The following NR0B1 variants were observed in gnomAD, a reference collection of about 807,000 sequenced individuals.
NR0B1 encodes the protein DSS-AHC critical region on the X chromosome protein 1.
NR0B1 carries 3 observed loss-of-function variants against 23.0 expected under a neutral mutation model. The observed-to-expected ratio is 0.13, with a 90% confidence interval of 0.06 to 0.34. NR0B1 has a LOEUF of 0.34. Ranked by LOEUF, NR0B1 falls within the 10% of genes least tolerant of loss-of-function variation. The pLI is 1.00. For missense variants in NR0B1, 350 were observed against 402.9 expected (o/e 0.87, Z 1.12); for synonymous variants, 205 against 184.0 (o/e 1.11, Z -0.92).
rs768800700 is a variant in NR0B1 at position 30,309,114 on chromosome X, G to C, written c.250C>G (p.Leu84Val). 8.3e-7 allele frequency: 1 copy of C among 1,198,056 alleles called. No homozygotes were observed. The highest frequency in any genetic ancestry group is 1.1e-6 in the Non-Finnish European group (1 of 890,916). ...GCGTACGTTTGCTTTGCGCTCGTCA[G>C]CATGCTGTAGAGGATGCTGCCCTGC... ...PRQGSILYSM[L>V]TSAKQTYAAP... Residue 84 changes from leucine to valine, a missense_variant, in exon 1 of 2, where the codon CTG becomes GTG. This residue lies in a region of NR0B1 where 298 missense variants were observed against 314.0 expected (regional missense o/e 0.95). Coordinates refer to ENST00000378970, the MANE Select transcript of NR0B1 (RefSeq NM_000475.5).
intron 1 of NR0B1, 49 bp downstream of exon 1, chrX:30,308,140 CTGCCCGA>C: frequency 9.8e-7 from 1 of 1,024,539 alleles, no homozygotes; most frequent in Non-Finnish European, 1.4e-6. Context: ...TAGATAGGCA[CTGCCCGA>C]TGCTTTTGTG....
intron 1 of NR0B1, among the ~76,000 whole-genome samples, chrX:30,307,656 G>T (rs1420181304): frequency 9.0e-6 from 1 of 111,286 alleles, no homozygotes; most frequent in East Asian, 2.8e-4. Context: ...CCATTCAGAG[G>T]CAGGCCCATG....
chrX:30,304,454 A>C lies in NR0B1; in HGVS notation c.*125T>G. 2.6e-6 allele frequency: 2 copies of C among 782,998 alleles called. No homozygotes were observed. The highest frequency in any genetic ancestry group is 3.7e-6 in the Non-Finnish European group (2 of 540,030). 64.5% of individuals were successfully genotyped at this position (782,998 alleles called of 1,213,427 possible). ...AAATTATTTCTTTAATTGAATACAA[A>C]AATACTCTGCATGTAAAAATATTAA... On this transcript the variant is annotated 3_prime_UTR_variant, in exon 2 of 2. Transcript: ENST00000378970.
intron 1 of NR0B1, 78 bp downstream of exon 1, chrX:30,308,118 T>G: frequency 1.3e-6 from 1 of 799,849 alleles, no homozygotes. Context: ...AACTCGTTAC[T>G]GCCCGCGCCC....
rs764365162 is a variant in NR0B1 at position 30,309,010 on chromosome X, C to T, written c.354G>A (p.Ala118=). The T allele has an allele frequency of 5.0e-6, 6 of 1,209,483 alleles. No individual in the cohort carries two copies. The Admixed American group carries it at 1.3e-4, about 27-fold the overall frequency. Residue 118 remains alanine (A), a synonymous_variant, in exon 1 of 2, where the codon GCG becomes GCA. Transcript: ENST00000378970. ...CCACGGGCCGCCCACCCGGAAGCCCCGCTCTGCCCACCCCGGGATCAGAGC... is the reference window on the plus strand; with the variant it reads ...CCACGGGCCGCCCACCCGGAAGCCCTGCTCTGCCCACCCCGGGATCAGAGC... ...SCGSDPGVGR[A]GLPGGRPVAL...
chrX:30,308,130 T>C, intron 1 of NR0B1, 66 bp downstream of exon 1: 1 of 932,855 alleles, frequency 1.1e-6, no homozygotes, highest in African/African-American at 1.9e-5. Flanking sequence ...CCCGCGCCCC[T>C]AGATAGGCAC....
intron 1 of NR0B1, among the ~76,000 whole-genome samples, 178 bp from the exon 2 acceptor site, chrX:30,305,001 C>T (rs1359834102): frequency 8.9e-6 from 1 of 112,637 alleles, no homozygotes; most frequent in Non-Finnish European, 1.9e-5. Flanking sequence ...AAGAATGAAA[C>T]ATCATGTGAT....
intron 1 of NR0B1, among the ~76,000 whole-genome samples, chrX:30,306,616 T>TGTGTGTG (rs1569268357): frequency 4.7e-5 from 5 of 105,782 alleles, no homozygotes; most frequent in East Asian, 2.9e-4. Context: ...TGTGTGTGTG[T>TGTGTGTG]TAAAAGTATA....
rs956706244 is a variant in NR0B1 at position 30,308,867 on chromosome X, C to G, written c.497G>C (p.Arg166Pro). Residue 166 changes from arginine (R) to proline (P), a missense_variant, in exon 1 of 2, where the codon CGG becomes CCG. Physicochemically the swap from Arg to Pro is moderately radical, Grantham distance 103 (BLOSUM62 -2). Around this residue, in one of 2 missense-constraint regions of NR0B1, gnomAD observed 298 missense variants for 314.0 expected, o/e 0.95. Coordinates refer to ENST00000378970, the MANE Select transcript of NR0B1 (RefSeq NM_000475.5). ...THVAPAAPEA[R>P]PGGAWWDRSY... ...GCGGTCCCACCACGCGCCCCCTGGCCGTGCCTCGGGCGCTGCCGGAGCCAC... is the reference window on the plus strand; with the variant it reads ...GCGGTCCCACCACGCGCCCCCTGGCGGTGCCTCGGGCGCTGCCGGAGCCAC... 7.7e-6 allele frequency: 9 copies of G among 1,171,642 alleles called. No individual in the cohort carries two copies. The highest frequency in any genetic ancestry group is 1.0e-5 in the Non-Finnish European group (9 of 875,859).
rs140259346 is a variant in NR0B1 at position 30,308,331 on chromosome X, G to T, written c.1033C>A (p.Pro345Thr). The stretch of plus-strand genomic sequence containing the variant: ...GGCACCTTCCTGGCCTCCGCCGGCG[G>T]TGCCAAATGGTGCTGCAGCGTGGGC... Reference protein sequence around the residue: ...PVPTLQHHLAPPAEARKVPSA... With the variant: ...PVPTLQHHLATPAEARKVPSA... Residue 345 changes from proline to threonine, a missense_variant, in exon 1 of 2, where the codon CCG becomes ACG. By Grantham distance (38) the Pro-to-Thr change is conservative. Transcript: ENST00000378970. 79 of 1,210,004 alleles carry T rather than the reference G, an allele frequency of 6.5e-5. No homozygotes were observed. Among genetic ancestry groups the T allele is most frequent in the Admixed American group, 2.0e-4 (9 of 45,951 alleles).
Position 30,308,436 on chromosome X carries a change from CCA to C in NR0B1, c.926_927del (p.Val309GlyfsTer79), listed in dbSNP as rs1926567814. The C allele has an allele frequency of 8.3e-7, 1 of 1,199,453 alleles. No individual in the cohort carries two copies. The highest frequency in any genetic ancestry group is 1.1e-6 in the Non-Finnish European group (1 of 889,482). ...LAQDRLQFET[V>X]EVSEPSMLQK... ...TGCAGCATGCTGGGCTCCGAGACTT[CCA>C]CAGTCTCGAACTGCAAGCGGTCCTG... On this transcript the variant is annotated frameshift_variant, in exon 1 of 2. Coordinates refer to ENST00000378970, the MANE Select transcript of NR0B1 (RefSeq NM_000475.5). LOFTEE classifies it high-confidence loss of function.
chrX:30,308,348 A>C lies in NR0B1; in HGVS notation c.1016T>G (p.Leu339Arg). The change falls in exon 1 of 2, where the codon CTG (leucine) becomes CGG (arginine). Residue 339 changes from leucine to arginine, a missense_variant. Coordinates refer to ENST00000378970, the MANE Select transcript of NR0B1 (RefSeq NM_000475.5). ...CGCCGGCGGTGCCAAATGGTGCTGC[A>C]GCGTGGGCACGGGCAGTGGCTCGTT... is the stretch of plus-strand genomic sequence containing the variant. ...GGNEPLPVPT[L>R]QHHLAPPAEA... is the part of the protein sequence containing the mutation. The C allele has an allele frequency of 8.3e-7, 1 of 1,211,663 alleles. No homozygotes were observed. Among genetic ancestry groups the C allele is most frequent in the Non-Finnish European group, 1.1e-6 (1 of 895,316 alleles).
chrX:30,308,344 C>G lies in NR0B1; in HGVS notation c.1020G>C (p.Gln340His), dbSNP rs1442983103. The change falls in exon 1 of 2, where the codon CAG (glutamine) becomes CAC (histidine). Residue 340 changes from glutamine (Q) to histidine (H), a missense_variant. Physicochemically the swap from Gln to His is conservative, Grantham distance 24. Coordinates refer to ENST00000378970, the MANE Select transcript of NR0B1 (RefSeq NM_000475.5). ...GNEPLPVPTL[Q>H]HHLAPPAEAR... is the part of the protein sequence containing the mutation. ...CCTCCGCCGGCGGTGCCAAATGGTG[C>G]TGCAGCGTGGGCACGGGCAGTGGCT... is the stretch of plus-strand genomic sequence containing the variant. 1.7e-6 allele frequency: 2 copies of G among 1,210,270 alleles called. No individual in the cohort carries two copies. Among genetic ancestry groups the G allele is most frequent in the African/African-American group, 3.5e-5 (2 of 57,377 alleles).
chrX:30,304,231 T>C lies in NR0B1; in HGVS notation c.*348A>G. 1 of 174,526 alleles carries C rather than the reference T, an allele frequency of 5.7e-6. No individual in the cohort carries two copies. The allele number at this position is 174,526 out of a possible 1,213,427, so 14.4% of individuals were successfully genotyped here. A position where few individuals can be genotyped will look rare whatever the true frequency, so the allele number is the denominator to read the frequency against. On this transcript the variant is annotated 3_prime_UTR_variant, in exon 2 of 2. Transcript: ENST00000378970. Reference sequence around the variant, plus strand: ...AAGCTTTTTTCAATCAAGTTAATAGTTAAGACCTTAAAATTTATTATAACA... The same window carrying C: ...AAGCTTTTTTCAATCAAGTTAATAGCTAAGACCTTAAAATTTATTATAACA...
At chrX:30,305,094 G>T (rs1310666585) in intron 1 of NR0B1, among the ~76,000 whole-genome samples, 1 of 112,682 alleles carries the variant, frequency 8.9e-6, no homozygotes, top group African/African-American at 3.2e-5. Flanking sequence ...AATTTAATAT[G>T]ACAGTAGAAT....
In NR0B1 at chrX:30,304,620, T is replaced by C; in HGVS notation, c.1372A>G (p.Met458Val). 3 of 1,211,027 alleles carry C rather than the reference T, an allele frequency of 2.5e-6. No homozygotes were observed. Among genetic ancestry groups the C allele is most frequent in the East Asian group, 3.0e-5 (1 of 33,864 alleles). ...AGCATTTCCAGCATCATATCATCCA[T>C]GCTGACTGTGCCGATGATGGGCCTG... ...FFRPIIGTVS[M>V]DDMMLEMLCT... The change falls in exon 2 of 2, where the codon ATG becomes GTG. Residue 458 changes from methionine (M) to valine (V), a missense_variant. Around this residue, in one of 2 missense-constraint regions of NR0B1, gnomAD observed 52 missense variants for 88.9 expected, o/e 0.58. Coordinates refer to ENST00000378970, the MANE Select transcript of NR0B1 (RefSeq NM_000475.5).
Position 30,304,584 on chromosome X carries a change from T to A in NR0B1, c.1408A>T (p.Ile470Leu). 1 of 1,211,759 alleles carries A rather than the reference T, an allele frequency of 8.3e-7. No homozygotes were observed. Among genetic ancestry groups the A allele is most frequent in the South Asian group, 1.8e-5 (1 of 57,001 alleles). ...DMMLEMLCTK[I>L] ...CTTGTGTGGCCCACATGACTTTATATCTTTGTACAGAGCATTTCCAGCATC... is the reference window on the plus strand; with the variant it reads ...CTTGTGTGGCCCACATGACTTTATAACTTTGTACAGAGCATTTCCAGCATC... The change falls in exon 2 of 2, where the codon ATA (isoleucine) becomes TTA (leucine). Residue 470 changes from isoleucine (I) to leucine (L), a missense_variant. Ile to Leu is a conservative substitution (Grantham distance 5). Around this residue, in one of 2 missense-constraint regions of NR0B1, gnomAD observed 52 missense variants for 88.9 expected, o/e 0.58. Transcript: ENST00000378970.
At chrX:30,305,737 G>T in intron 1 of NR0B1, 1 of 421,667 alleles carries the variant, frequency 2.4e-6, no homozygotes, top group East Asian at 4.5e-5. Context: ...AAGGTCCTTT[G>T]ATCTTCCATG....
At position 30,309,358 on chromosome X, in the gene NR0B1, C is replaced by T. The variant is rs771073940; in HGVS notation, c.6G>A (p.Ala2=). Residue 2 remains alanine (A), a synonymous_variant, in exon 1 of 2, where the codon GCG becomes GCA. Coordinates refer to ENST00000378970, the MANE Select transcript of NR0B1 (RefSeq NM_000475.5). M[A]GENHQWQGSI... is the part of the protein sequence containing the mutation. Reference sequence around the variant, plus strand: ...TGCCCTGCCACTGGTGGTTCTCGCCCGCCATGGCCCGCGGCGCCCGTAGCC... The same window carrying T: ...TGCCCTGCCACTGGTGGTTCTCGCCTGCCATGGCCCGCGGCGCCCGTAGCC... The T allele has an allele frequency of 8.4e-7, 1 of 1,197,223 alleles. No individual in the cohort carries two copies. The highest frequency in any genetic ancestry group is 1.1e-6 in the Non-Finnish European group (1 of 892,558).
Sources: gnomAD v4.1 joint callset for allele counts (sites outside exome capture counted in the v4.1 genomes callset) on GRCh38, gnomAD v4.1.1 for gene constraint, gnomAD v4.1.1 regional missense constraint, MANE v1.5 for transcripts, NCBI Gene and HGNC (gene_info 2026-07-23, HGNC 2026-07-21) for gene names.